The following GPR137C variants were observed in gnomAD, a reference collection of about 807,000 sequenced individuals.
GPR137C encodes integral membrane protein GPR137C.
In GPR137C, 27 loss-of-function variants were observed where a neutral mutation model predicts 43.4. The observed-to-expected ratio is 0.62, with a 90% confidence interval of 0.46 to 0.86. The LOEUF is 0.86. Ranked by LOEUF, GPR137C falls within the 40% of genes least tolerant of loss-of-function variation. GPR137C has a pLI of 0.00. For missense variants in GPR137C, 522 were observed against 534.6 expected, an observed-to-expected ratio of 0.98 and a Z score of 0.23; for synonymous variants, 285 against 226.9, an observed-to-expected ratio of 1.26 and a Z score of -2.30.
chr14:52,560,108 G>A (rs2038257628), intron 1 of GPR137C, among the ~76,000 whole-genome samples: 1 of 152,176 alleles, frequency 6.6e-6, no homozygotes, highest in Non-Finnish European at 1.5e-5. Flanking sequence ...AGTGAGCCAA[G>A]GTTGCACCAC....
chr14:52,622,750 G>A (rs1168512750), intron 3 of GPR137C, among the ~76,000 whole-genome samples: 1 of 152,044 alleles, frequency 6.6e-6, no homozygotes, highest in East Asian at 1.9e-4. Context: ...CTGTACTTGA[G>A]TGTGCAGCAG....
chr14:52,555,755 AAG>A (rs1363591932), intron 1 of GPR137C, among the ~76,000 whole-genome samples: 1 of 152,182 alleles, frequency 6.6e-6, no homozygotes, highest in Non-Finnish European at 1.5e-5. Context: ...GCCTGCTAAA[AAG>A]AGTGTGAGTT....
intron 3 of GPR137C, among the ~76,000 whole-genome samples, chr14:52,623,804 G>A (rs895513254): frequency 5.9e-5 from 9 of 152,176 alleles, no homozygotes; most frequent in South Asian, 2.1e-4. Flanking sequence ...AAACAGGGAC[G>A]TTGGATGTTG....
intron 3 of GPR137C, chr14:52,612,608 C>A: frequency 1.4e-6 from 1 of 730,272 alleles, no homozygotes; most frequent in Non-Finnish European, 1.7e-6. Context: ...GTCACCCAGG[C>A]TGGAATGTAG....
Position 52,622,974 on chromosome 14 carries a change from A to T in GPR137C, c.718-9186A>T, listed in dbSNP as rs550900765. ...CCGTCTTGATTTGTGCTAAGGCCCA[A>T]TAATTTTACACACAATTGGTCTAGC... On this transcript the variant is annotated intron_variant, in intron 3 of 6. Coordinates refer to ENST00000321662, the MANE Select transcript of GPR137C (RefSeq NM_001099652.2). 2.0e-5 allele frequency among the ~76,000 whole-genome samples: 3 copies of T among 152,230 alleles called. No individual in the cohort carries two copies. The South Asian group carries it at 6.2e-4, about 32-fold the overall frequency.
intron 3 of GPR137C, among the ~76,000 whole-genome samples, chr14:52,630,692 C>T (rs1024015245): frequency 3.3e-5 from 5 of 152,006 alleles, no homozygotes; most frequent in Non-Finnish European, 7.4e-5. Context: ...TAATGGTTCT[C>T]AACCCCGCAA....
chr14:52,615,361 G>A (rs1257012273), intron 3 of GPR137C, among the ~76,000 whole-genome samples: 1 of 151,884 alleles, frequency 6.6e-6, no homozygotes, highest in East Asian at 1.9e-4. Context: ...CTAAAGCTCT[G>A]TAGTATAATT....
At chr14:52,581,195 C>CAAAA (rs71125115) in intron 1 of GPR137C, among the ~76,000 whole-genome samples, 1 of 83,548 alleles carries the variant, frequency 1.2e-5, no homozygotes, top group Non-Finnish European at 2.4e-5. Flanking sequence ...GACTTCTTCT[C>CAAAA]AAAAAAAAAA....
At position 52,636,520 on chromosome 14, in the gene GPR137C, C is replaced by T. The variant is rs547969655; in HGVS notation, c.*1405C>T. 3.3e-5 allele frequency: 5 copies of T among 152,182 alleles called. No homozygotes were observed. Among genetic ancestry groups the T allele is most frequent in the Admixed American group, 6.6e-5 (1 of 15,264 alleles). The allele number at this position is 152,182 out of a possible 1,614,324, so 9.4% of individuals were successfully genotyped here. A position where few individuals can be genotyped will look rare whatever the true frequency, so the allele number is the denominator to read the frequency against. On this transcript the variant is annotated 3_prime_UTR_variant, in exon 7 of 7. Transcript: ENST00000321662. ...TATTTCTTCAGAACTGGAACTAATA[C>T]GACTATCCTTTTCTGTTTTATACTT...
At chr14:52,598,070 G>A (rs150241588) in intron 1 of GPR137C, among the ~76,000 whole-genome samples, 126 of 152,232 alleles carry the variant, frequency 8.3e-4, no homozygotes, top group African/African-American at 2.9e-3. Flanking sequence ...GGTTTATGTT[G>A]ATAACAAAGA....
chr14:52,593,527 A>G lies in GPR137C; in HGVS notation c.445-4745A>G, dbSNP rs919896801. 5.9e-5 allele frequency among the ~76,000 whole-genome samples: 9 copies of G among 152,208 alleles called. No homozygotes were observed. The East Asian group carries it at 1.7e-3, about 29-fold the overall frequency. ...TTCAGAACCTGTTATTGATCTATTC[A>G]GAGATTCAACTTCTTCCTGGTTTAG... On this transcript the variant is annotated intron_variant, in intron 1 of 6. Transcript: ENST00000321662.
intron 1 of GPR137C, among the ~76,000 whole-genome samples, chr14:52,590,632 T>A: frequency 6.6e-6 from 1 of 152,170 alleles, no homozygotes; most frequent in East Asian, 1.9e-4. Flanking sequence ...GTTTTCTATG[T>A]TTAGATACAC....
Position 52,637,108 on chromosome 14 carries a change from A to G in GPR137C, c.*1993A>G, listed in dbSNP as rs1006835081. 2 of 152,122 alleles carry G rather than the reference A, an allele frequency of 1.3e-5. No homozygotes were observed. Among genetic ancestry groups the G allele is most frequent in the African/African-American group, 4.8e-5 (2 of 41,444 alleles). 9.4% of individuals were successfully genotyped at this position (152,122 alleles called of 1,614,324 possible). Reference sequence around the variant, plus strand: ...AAAATAACTTGGTTCTTTCTGCTGCATTAGTTGATTGTTCCAAATTTGAGG... The same window carrying G: ...AAAATAACTTGGTTCTTTCTGCTGCGTTAGTTGATTGTTCCAAATTTGAGG... On this transcript the variant is annotated 3_prime_UTR_variant, in exon 7 of 7. Coordinates refer to ENST00000321662, the MANE Select transcript of GPR137C (RefSeq NM_001099652.2).
intron 3 of GPR137C, among the ~76,000 whole-genome samples, chr14:52,623,334 G>A (rs1318771367): frequency 1.3e-5 from 2 of 152,124 alleles, no homozygotes; most frequent in South Asian, 4.1e-4. Context: ...CATCCAGCAG[G>A]CATTCAGCAA....
chr14:52,560,158 A>G (rs1295885547), intron 1 of GPR137C, among the ~76,000 whole-genome samples: 1 of 152,212 alleles, frequency 6.6e-6, no homozygotes, highest in African/African-American at 2.4e-5. Context: ...CCCTGTTTCA[A>G]AAACAACAAT....
chr14:52,572,807 G>T (rs2038492226), intron 1 of GPR137C, among the ~76,000 whole-genome samples: 1 of 152,180 alleles, frequency 6.6e-6, no homozygotes, highest in Non-Finnish European at 1.5e-5. Context: ...AAGCCAAATT[G>T]TATATGTTTG....
In GPR137C at chr14:52,553,187, C is replaced by G; in HGVS notation, c.40C>G (p.Pro14Ala). The change falls in exon 1 of 7, where the codon CCC becomes GCC. Residue 14 changes from proline to alanine, a missense_variant. Physicochemically the swap from Pro to Ala is conservative, Grantham distance 27. Around this residue, in one of 3 missense-constraint regions of GPR137C, gnomAD observed 437 missense variants for 425.7 expected, o/e 1.03. Transcript: ENST00000321662. ...GCCGGGTCCGGCGGCCGCTGCCGCCCCCGCAGCCGGCCGCGAGCCCTCCAC... is the reference window on the plus strand; with the variant it reads ...GCCGGGTCCGGCGGCCGCTGCCGCCGCCGCAGCCGGCCGCGAGCCCTCCAC... ...SVPGPAAAAA[P>A]AAGREPSTPG... 8.3e-7 allele frequency: 1 copy of G among 1,203,306 alleles called. No homozygotes were observed. 74.5% of individuals were successfully genotyped at this position (1,203,306 alleles called of 1,614,324 possible). A position where few individuals can be genotyped will look rare whatever the true frequency, so the allele number is the denominator to read the frequency against.
chr14:52,627,151 G>C (rs569602853), intron 3 of GPR137C, among the ~76,000 whole-genome samples: 15 of 152,254 alleles, frequency 9.9e-5, no homozygotes, highest in African/African-American at 3.6e-4. Context: ...CCAGCACTTT[G>C]GGAGGCCTTG....
rs376047169 is a variant in GPR137C, at chr14:52,553,444, C to T, written c.297C>T (p.Leu99=). The T allele has an allele frequency of 9.2e-5, 148 of 1,609,144 alleles. No homozygotes were observed. The African/African-American group carries it at 1.5e-3, about 17-fold the overall frequency. ...TGTGGGCAGCGCTCAGGACCACCCT[C>T]TTCTCCGCCGCCTTCTCGCTCAGCG... is the stretch of plus-strand genomic sequence containing the variant. ...CLLWAALRTT[L]FSAAFSLSGS... is the part of the protein sequence containing the mutation. The change falls in exon 1 of 7, where the codon CTC becomes CTT. Residue 99 remains leucine (L), a synonymous_variant. Transcript: ENST00000321662.
Sources: gnomAD v4.1 joint callset for allele counts (sites outside exome capture counted in the v4.1 genomes callset) on GRCh38, gnomAD v4.1.1 for gene constraint, gnomAD v4.1.1 regional missense constraint, MANE v1.5 for transcripts, NCBI Gene and HGNC (gene_info 2026-07-23, HGNC 2026-07-21) for gene names.